DAGLA: variants seen among roughly 807,000 people sequenced by gnomAD.
DAGLA encodes the protein diacylglycerol lipase alpha.
Under a neutral mutation model 102.6 loss-of-function variants are expected in DAGLA, and 22 were observed. The ratio of observed to expected loss-of-function variants is 0.21; its 90% confidence interval spans 0.15 to 0.31. DAGLA has a LOEUF of 0.31. DAGLA is among the 10% of genes least tolerant of loss of function. DAGLA has a pLI of 1.00. For synonymous variants in DAGLA, 578 were observed against 628.9 expected (o/e 0.92, Z 1.21); for missense variants, 927 against 1,446.6 (o/e 0.64, Z 5.83).
intron 1 of DAGLA, among the ~76,000 whole-genome samples, chr11:61,718,989 C>A (rs938195040): frequency 6.6e-6 from 1 of 152,216 alleles, no homozygotes; most frequent in Non-Finnish European, 1.5e-5. Context: ...TGCCGCCTGC[C>A]CCGGACCAGG....
intron 1 of DAGLA, among the ~76,000 whole-genome samples, chr11:61,693,728 T>A (rs1016044965): frequency 6.6e-6 from 1 of 152,196 alleles, no homozygotes. Flanking sequence ...CTGCCTGAGG[T>A]GAGGCTCCTG....
At position 61,731,386 on chromosome 11, in the gene DAGLA, A is replaced by G. The variant is rs767375274; in HGVS notation, c.919A>G (p.Met307Val). The G allele has an allele frequency of 2.9e-5, 46 of 1,613,962 alleles. No individual in the cohort carries two copies. The highest frequency in any genetic ancestry group is 3.8e-5 in the Non-Finnish European group (45 of 1,180,024). The part of the protein sequence containing the change: ...LFALAAYGWP[M>V]YLMRKPACGL... ...TGCCCTGGCTGCCTACGGGTGGCCC[A>G]TGTACCTGATGCGGAAGCCCGCCTG... Residue 307 changes from methionine (M) to valine (V), a missense_variant, in exon 9 of 20, where the codon ATG (methionine) becomes GTG (valine). Transcript: ENST00000257215.
chr11:61,742,869 G>A (rs940256950), intron 19 of DAGLA, among the ~76,000 whole-genome samples: 1 of 147,576 alleles, frequency 6.8e-6, no homozygotes, highest in Admixed American at 7.0e-5. Context: ...GCAGGCTCAT[G>A]AGTGATCTGG....
chr11:61,743,755 G>T lies in DAGLA; in HGVS notation c.2395G>T (p.Gly799Cys). The T allele has an allele frequency of 6.2e-7, 1 of 1,612,440 alleles. No individual in the cohort carries two copies. Among genetic ancestry groups the T allele is most frequent in the Admixed American group, 1.7e-5 (1 of 60,026 alleles). Reference sequence around the variant, plus strand: ...CAGCTTCGACTCGCGCCGCTCCTCAGGCTTCCGCAGCATCCGGGGCTCCCC... The same window carrying T: ...CAGCTTCGACTCGCGCCGCTCCTCATGCTTCCGCAGCATCCGGGGCTCCCC... ...LYSFDSRRSS[G>C]FRSIRGSPSL... Residue 799 changes from glycine (G) to cysteine (C), a missense_variant, in exon 20 of 20, where the codon GGC becomes TGC. Transcript: ENST00000257215.
chr11:61,738,982 T>C (rs2240286), intron 16 of DAGLA, among the ~76,000 whole-genome samples: 20,956 of 152,256 alleles, frequency 0.14, 1,626 homozygotes, highest in East Asian at 0.28. Flanking sequence ...CAAAGCTTTG[T>C]GGGACTTTGC....
At chr11:61,711,606 CT>C (rs1465391202) in intron 1 of DAGLA, among the ~76,000 whole-genome samples, 2 of 152,244 alleles carry the variant, frequency 1.3e-5, no homozygotes, top group African/African-American at 2.4e-5. Flanking sequence ...AGCCAGCCAT[CT>C]TTCCAAAATA....
chr11:61,725,630 C>T (rs1591044650), intron 5 of DAGLA, among the ~76,000 whole-genome samples: 1 of 152,306 alleles, frequency 6.6e-6, no homozygotes, highest in South Asian at 2.1e-4. Flanking sequence ...ACCTGAGCTG[C>T]AGGGTAGCCC....
chr11:61,739,413 C>T, intron 16 of DAGLA, 52 bp from the exon 17 acceptor site: 1 of 1,569,676 alleles, frequency 6.4e-7, no homozygotes, highest in South Asian at 1.1e-5. Flanking sequence ...CCCTGCCCCC[C>T]AGCCAGTGCT....
chr11:61,713,777 C>G (rs1172464243), intron 1 of DAGLA, among the ~76,000 whole-genome samples: 1 of 152,186 alleles, frequency 6.6e-6, no homozygotes, highest in Non-Finnish European at 1.5e-5. Flanking sequence ...ACTGGGGGGC[C>G]CAGCCTCACT....
In DAGLA at chr11:61,720,178, G is replaced by A. The variant is rs1409547344; in HGVS notation, c.23G>A (p.Arg8Gln). ...GCCATGCCCGGGATCGTGGTGTTCC[G>A]GCGGCGCTGGTCTGTGGGCAGTGAT... MPGIVVF[R>Q]RRWSVGSDDL... The change falls in exon 2 of 20, where the codon CGG (arginine) becomes CAG (glutamine). Residue 8 changes from arginine to glutamine, a missense_variant. Physicochemically the swap from Arg to Gln is conservative, Grantham distance 43. This residue lies in a region of DAGLA where 231 missense variants were observed against 439.8 expected (regional missense o/e 0.53). Coordinates refer to ENST00000257215, the MANE Select transcript of DAGLA (RefSeq NM_006133.3). The A allele has an allele frequency of 7.4e-6, 12 of 1,613,322 alleles. No individual in the cohort carries two copies. The highest frequency in any genetic ancestry group is 4.0e-5 in the African/African-American group (3 of 74,946).
intron 1 of DAGLA, among the ~76,000 whole-genome samples, chr11:61,688,502 C>A (rs929294971): frequency 6.6e-6 from 1 of 152,186 alleles, no homozygotes; most frequent in African/African-American, 2.4e-5. Flanking sequence ...GCTTGAGGAA[C>A]CTGTGTGGCC....
intron 1 of DAGLA, among the ~76,000 whole-genome samples, chr11:61,683,659 C>T (rs749345952): frequency 2.3e-4 from 35 of 152,206 alleles, no homozygotes; most frequent in Non-Finnish European, 4.7e-4. Flanking sequence ...GCTGGGACTG[C>T]CCACCAGAGC....
chr11:61,693,842 C>T lies in DAGLA; in HGVS notation c.-45+13338C>T, dbSNP rs148969661. The stretch of plus-strand genomic sequence containing the variant: ...TCCCCAGGGCTTCACACCGCTTCTC[C>T]CGCTTTCTTACTTCCTCTCTGCTTT... On this transcript the variant is annotated intron_variant, in intron 1 of 19. Coordinates refer to ENST00000257215, the MANE Select transcript of DAGLA (RefSeq NM_006133.3). Among the ~76,000 whole-genome samples, 1,421 of 152,324 alleles carry T rather than the reference C, an allele frequency of 9.3e-3. 28 individuals are homozygous for T. Among genetic ancestry groups the T allele is most frequent in the African/African-American group, 0.032 (1,341 of 41,550 alleles).
intron 8 of DAGLA, among the ~76,000 whole-genome samples, chr11:61,729,859 G>A (rs1464244830): frequency 6.6e-6 from 1 of 151,838 alleles, no homozygotes; most frequent in African/African-American, 2.4e-5. Flanking sequence ...GATTGCTTGA[G>A]GCCAGGAGTT....
At position 61,743,346 on chromosome 11, in the gene DAGLA, G is replaced by C. The variant is rs186153699; in HGVS notation, c.2172-186G>C. On this transcript the variant is annotated intron_variant, in intron 19 of 19. Transcript: ENST00000257215. ...CCACTGCACTCCAGCCTGGGCGACA[G>C]AGCGAGACTCTGTCTCAAAAAAAAA... Among the ~76,000 whole-genome samples, 524 of 145,310 alleles carry C rather than the reference G, an allele frequency of 3.6e-3. 4 individuals carry two copies. The highest frequency in any genetic ancestry group is 0.013 in the African/African-American group (502 of 39,064).
chr11:61,681,936 T>C (rs1023203406), intron 1 of DAGLA, among the ~76,000 whole-genome samples: 1 of 152,166 alleles, frequency 6.6e-6, no homozygotes, highest in Non-Finnish European at 1.5e-5. Context: ...AATCTTCAGT[T>C]CTTTGTGGAT....
intron 1 of DAGLA, among the ~76,000 whole-genome samples, chr11:61,712,916 C>G (rs1464434062): frequency 6.6e-6 from 1 of 152,238 alleles, no homozygotes; most frequent in Non-Finnish European, 1.5e-5. Flanking sequence ...CTTGAAATCC[C>G]AGCTCTGCGA....
rs200774927 is a variant in DAGLA at position 61,720,138 on chromosome 11, T to C, written c.-18T>C. ...AGGTGAGCACCAGGCCCACTGAGCC[T>C]CTGCAGAGCCACCAGCCATGCCCGG... On this transcript the variant is annotated 5_prime_UTR_variant, in exon 2 of 20. Transcript: ENST00000257215. 22 of 1,610,630 alleles carry C rather than the reference T, an allele frequency of 1.4e-5. No homozygotes were observed. The East Asian group carries it at 4.2e-4, about 31-fold the overall frequency.
At chr11:61,729,111 C>T (rs2065354382) in intron 8 of DAGLA, 103 bp downstream of exon 8, 1 of 1,015,618 alleles carries the variant, frequency 9.8e-7, no homozygotes, top group African/African-American at 1.6e-5. Context: ...GTGCCAGCCA[C>T]ATTGCCCCTG....
Sources: gnomAD v4.1 joint callset for allele counts (sites outside exome capture counted in the v4.1 genomes callset) on GRCh38, gnomAD v4.1.1 for gene constraint, gnomAD v4.1.1 regional missense constraint, MANE v1.5 for transcripts, NCBI Gene and HGNC (gene_info 2026-07-23, HGNC 2026-07-21) for gene names.